Variants in TMEFF2 observed in about 807,000 individuals in gnomAD.
The protein encoded by TMEFF2 is tomoregulin-2.
In TMEFF2, 28 loss-of-function variants were observed where a neutral mutation model predicts 53.8. The observed-to-expected ratio is 0.52, with a 90% CI of 0.39 to 0.71. TMEFF2 has a LOEUF of 0.71. TMEFF2 is among the 30% of genes least tolerant of loss of function. The pLI is 0.00. For missense variants in TMEFF2, 353 were observed against 455.2 expected, an observed-to-expected ratio of 0.78 and a Z score of 2.04; for synonymous variants, 162 against 166.3, an observed-to-expected ratio of 0.97 and a Z score of 0.20.
chr2:192,117,705 G>GATTGGTTTCTATCTCACAACCAATC (rs1689447867), intron 4 of TMEFF2, among the ~76,000 whole-genome samples: 1 of 151,828 alleles, frequency 6.6e-6, no homozygotes, highest in South Asian at 2.1e-4. Context: ...AAGGACCTCT[G>GATTGGTTTCTATCTCACAACCAATC]ATTGGTTTCT....
At position 191,949,698 on chromosome 2, in the gene TMEFF2, T is replaced by TATTTA. The variant is rs1245548604; in HGVS notation, c.*608_*612dup. 1 of 985,456 alleles carries TATTTA rather than the reference T, an allele frequency of 1.0e-6. No homozygotes were observed. Among genetic ancestry groups the TATTTA allele is most frequent in the Middle Eastern group, 5.2e-4 (1 of 1,914 alleles). 61.0% of individuals were successfully genotyped at this position (985,456 alleles called of 1,614,324 possible). ...AACACTTTCCCTCCCCTTCTTCTTT[T>TATTTA]ATTTAGTTTATATGCCAGAGATTTT... is the stretch of plus-strand genomic sequence containing the variant. On this transcript the variant is annotated 3_prime_UTR_variant, in exon 10 of 10. Transcript: ENST00000272771.
intron 4 of TMEFF2, chr2:192,177,728 T>C (rs1039218557): frequency 4.0e-5 from 6 of 151,106 alleles, no homozygotes; most frequent in African/African-American, 1.5e-4. Flanking sequence ...GTTTTCCAAG[T>C]GATGTTTCAC....
At chr2:191,962,625 T>A (rs1028961820) in intron 7 of TMEFF2, among the ~76,000 whole-genome samples, 2 of 152,240 alleles carry the variant, frequency 1.3e-5, no homozygotes, top group Non-Finnish European at 2.9e-5. Context: ...CTGAAAAATC[T>A]GTAAAATCTT....
chr2:192,136,062 T>C (rs1218826340), intron 4 of TMEFF2, among the ~76,000 whole-genome samples: 1 of 152,230 alleles, frequency 6.6e-6, no homozygotes. Context: ...ACAGCCATGT[T>C]GCTCACACAA....
At chr2:192,100,881 A>G (rs1689017122) in intron 4 of TMEFF2, among the ~76,000 whole-genome samples, 1 of 152,146 alleles carries the variant, frequency 6.6e-6, no homozygotes, top group Non-Finnish European at 1.5e-5. Flanking sequence ...ATGTTTCCTT[A>G]TATGAGTTCC....
At chr2:192,163,106 C>T (rs1036387279) in intron 4 of TMEFF2, among the ~76,000 whole-genome samples, 2 of 152,180 alleles carry the variant, frequency 1.3e-5, no homozygotes, top group Non-Finnish European at 2.9e-5. Context: ...CTGGAAGTGA[C>T]TTTCTATATT....
chr2:192,080,530 C>T lies in TMEFF2; in HGVS notation c.440-22755G>A, dbSNP rs1045507504. Among the ~76,000 whole-genome samples, 3 of 152,248 alleles carry T rather than the reference C, an allele frequency of 2.0e-5. No individual in the cohort carries two copies. The East Asian group carries it at 5.8e-4, about 29-fold the overall frequency. On this transcript the variant is annotated intron_variant, in intron 4 of 9. Coordinates refer to ENST00000272771, the MANE Select transcript of TMEFF2 (RefSeq NM_016192.4). ...CCTTTATAAATTACCCAGTCTCAGG[C>T]AGTTCTTTATAGTAGTATGAAATTG...
intron 4 of TMEFF2, among the ~76,000 whole-genome samples, chr2:192,134,663 A>C (rs964907976): frequency 6.6e-6 from 1 of 152,164 alleles, no homozygotes; most frequent in Admixed American, 6.5e-5. Flanking sequence ...TTTACTCAAC[A>C]TGCCCTGAGT....
intron 4 of TMEFF2, among the ~76,000 whole-genome samples, chr2:192,164,785 G>A (rs1690720001): frequency 6.6e-6 from 1 of 151,596 alleles, no homozygotes; most frequent in South Asian, 2.1e-4. Flanking sequence ...TATTTGCATG[G>A]TTCATGTCTG....
intron 4 of TMEFF2, among the ~76,000 whole-genome samples, chr2:192,152,273 T>C (rs1426830177): frequency 6.6e-6 from 1 of 151,916 alleles, no homozygotes; most frequent in East Asian, 1.9e-4. Context: ...TGAATCCAGA[T>C]AGGAAAATCA....
chr2:192,001,599 A>G (rs902559947), intron 5 of TMEFF2, among the ~76,000 whole-genome samples: 6 of 152,136 alleles, frequency 3.9e-5, no homozygotes, highest in African/African-American at 1.2e-4. Context: ...CATAATTCCT[A>G]TGTGTTGTGG....
chr2:192,092,577 G>A lies in TMEFF2; in HGVS notation c.440-34802C>T, dbSNP rs915200386. 4.6e-5 allele frequency among the ~76,000 whole-genome samples: 7 copies of A among 152,102 alleles called. No individual in the cohort carries two copies. The South Asian group carries it at 1.5e-3, about 32-fold the overall frequency. On this transcript the variant is annotated intron_variant, in intron 4 of 9. Transcript: ENST00000272771. ...GCAGAATAATGGCCTCTCAAAGATG[G>A]CCACATCCTAATCCCCAGAATCTAT...
In TMEFF2 at chr2:192,173,056, TAAG is replaced by T. The variant is rs1278487629; in HGVS notation, c.439+6609_439+6611del. Among the ~76,000 whole-genome samples, 3 of 152,030 alleles carry T rather than the reference TAAG, an allele frequency of 2.0e-5. No individual in the cohort carries two copies. The East Asian group carries it at 5.8e-4, about 29-fold the overall frequency. On this transcript the variant is annotated intron_variant, in intron 4 of 9. Transcript: ENST00000272771. ...CAAAAATACAGTTAAATAGAAGGAA[TAAG>T]ATCTAGTGTTTGGTAGCACAACAAG...
intron 4 of TMEFF2, among the ~76,000 whole-genome samples, chr2:192,174,860 A>G (rs2106028088): frequency 6.6e-6 from 1 of 151,776 alleles, no homozygotes; most frequent in African/African-American, 2.4e-5. Flanking sequence ...CCAGACTTTG[A>G]CCATGATAGT....
chr2:192,121,263 C>T (rs1199133187), intron 4 of TMEFF2, among the ~76,000 whole-genome samples: 2 of 151,998 alleles, frequency 1.3e-5, no homozygotes, highest in Non-Finnish European at 2.9e-5. Context: ...TTGTCAGATG[C>T]CATAGTTTGA....
intron 1 of TMEFF2, among the ~76,000 whole-genome samples, chr2:192,193,911 T>C (rs1416839219): frequency 2.0e-5 from 3 of 152,152 alleles, no homozygotes; most frequent in Non-Finnish European, 4.4e-5. Flanking sequence ...GCGATTCCCC[T>C]GCAGTCACCA....
At chr2:191,955,409 T>C (rs1692042983) in intron 8 of TMEFF2, among the ~76,000 whole-genome samples, 1 of 151,102 alleles carries the variant, frequency 6.6e-6, no homozygotes, top group African/African-American at 2.4e-5. Context: ...AGTGTAGTGG[T>C]GTGACCATAG....
chr2:192,053,195 AATT>A (rs932110009), intron 5 of TMEFF2, among the ~76,000 whole-genome samples: 6 of 152,112 alleles, frequency 3.9e-5, no homozygotes, highest in African/African-American at 1.2e-4. Flanking sequence ...AATGCCATCT[AATT>A]ATTATTTTTT....
intron 4 of TMEFF2, among the ~76,000 whole-genome samples, chr2:192,116,021 C>G (rs763776590): frequency 4.6e-5 from 7 of 151,984 alleles, no homozygotes; most frequent in Non-Finnish European, 8.8e-5. Flanking sequence ...ACCTCATAAA[C>G]TATCTGCACT....
Sources: allele counts gnomAD v4.1 joint callset (sites outside exome capture counted in the v4.1 genomes callset), GRCh38; gene constraint gnomAD v4.1.1; transcripts MANE v1.5; gene names NCBI Gene and HGNC (gene_info 2026-07-23, HGNC 2026-07-21).